AFF3: variants seen among roughly 807,000 people sequenced by gnomAD.
AFF3 encodes the protein AF4/FMR2 family member 3.
In AFF3, 32 loss-of-function variants were observed where a neutral mutation model predicts 129.7. The observed-to-expected ratio is 0.25, with a 90% CI of 0.19 to 0.33. The LOEUF (loss-of-function observed/expected upper bound fraction) is 0.33. Ranked by LOEUF, AFF3 falls within the 10% of genes least tolerant of loss-of-function variation. The probability of loss-of-function intolerance (pLI) is 1.00; values close to 1 mark genes in which losing one functional copy is unlikely to be tolerated. For synonymous variants in AFF3, 644 were observed against 635.4 expected, an observed-to-expected ratio of 1.01 and a Z score of -0.20; for missense variants, 1,373 against 1,592.0, an observed-to-expected ratio of 0.86 and a Z score of 2.34.
rs181181447 is a variant in AFF3, at chr2:99,878,410, A to C, written c.874-40886T>G. 4.6e-3 allele frequency among the ~76,000 whole-genome samples: 697 copies of C among 152,308 alleles called. 18 individuals are homozygous for C. The highest frequency in any genetic ancestry group is 0.041 in the Admixed American group (622 of 15,308). On this transcript the variant is annotated intron_variant, in intron 7 of 24. Transcript: ENST00000672756. The stretch of plus-strand genomic sequence containing the variant: ...ATTTTCAACCTGTAATCATGTACTT[A>C]TTGGGACACACTAAGAGTTCATGAT...
At position 99,953,304 on chromosome 2, in the gene AFF3, G is replaced by C. The variant is rs371970748; in HGVS notation, c.873+53328C>G. Among the ~76,000 whole-genome samples, 6 of 151,796 alleles carry C rather than the reference G, an allele frequency of 4.0e-5. No individual in the cohort carries two copies. In the East Asian group the frequency reaches 1.2e-3, roughly 29 times the overall value. ...AATGTCTTTAGACTTTCCTCCACTG[G>C]AAAAAAAATGGAGACAATACACCTT... On this transcript the variant is annotated intron_variant, in intron 7 of 24. Transcript: ENST00000672756.
At chr2:99,768,990 A>G (rs1051782719) in intron 8 of AFF3, among the ~76,000 whole-genome samples, 1 of 152,038 alleles carries the variant, frequency 6.6e-6, no homozygotes, top group South Asian at 2.1e-4. Flanking sequence ...TTTGGGTTAA[A>G]TCTCCTTGGT....
At chr2:100,001,828 C>T (rs1170775722) in intron 7 of AFF3, among the ~76,000 whole-genome samples, 1 of 152,220 alleles carries the variant, frequency 6.6e-6, no homozygotes, top group African/African-American at 2.4e-5. Flanking sequence ...TTCAGAACGA[C>T]CCATCTAAAC....
chr2:99,637,008 A>G (rs576452605), intron 13 of AFF3, among the ~76,000 whole-genome samples: 48 of 151,540 alleles, frequency 3.2e-4, no homozygotes, highest in Admixed American at 9.9e-4. Flanking sequence ...TGGCTCTGGG[A>G]GTCCCAGGCT....
chr2:99,593,879 G>A lies in AFF3; in HGVS notation c.1782C>T (p.Thr594=), dbSNP rs752581967. 3.6e-6 allele frequency: 5 copies of A among 1,372,898 alleles called. No homozygotes were observed. Among genetic ancestry groups the A allele is most frequent in the Non-Finnish European group, 4.9e-6 (5 of 1,027,072 alleles). The allele number at this position is 1,372,898 out of a possible 1,614,324, so 85.0% of individuals were successfully genotyped here. Residue 594 remains threonine (T), a synonymous_variant, in exon 15 of 25, where the codon ACC becomes ACT. Transcript: ENST00000672756. Reference sequence around the variant, plus strand: ...GGCAGTTGGCGCCGTCCCCGGCTGAGGTCCTCTCGGTGCGCCTGGTGGGCT... The same window carrying A: ...GGCAGTTGGCGCCGTCCCCGGCTGAAGTCCTCTCGGTGCGCCTGGTGGGCT... ...GKKPTRRTER[T]SAGDGANCHR...
chr2:99,868,395 T>C (rs1054647693), intron 7 of AFF3, among the ~76,000 whole-genome samples: 1 of 152,094 alleles, frequency 6.6e-6, no homozygotes, highest in Non-Finnish European at 1.5e-5. Context: ...CCTACTGAAA[T>C]CCAACATCAG....
At position 100,008,820 on chromosome 2, in the gene AFF3, G is replaced by A. The variant is rs1413639542; in HGVS notation, c.166C>T (p.Pro56Ser). The A allele has an allele frequency of 6.2e-7, 1 of 1,613,914 alleles. No homozygotes were observed. Residue 56 changes from proline (P) to serine (S), a missense_variant, in exon 5 of 25, where the codon CCC (proline) becomes TCC (serine). Pro to Ser is a moderately conservative substitution (Grantham distance 74, BLOSUM62 -1). Around this residue, in one of 9 missense-constraint regions of AFF3, gnomAD observed 255 missense variants for 256.0 expected, o/e 1.00. Coordinates refer to ENST00000672756, the MANE Select transcript of AFF3 (RefSeq NM_001386135.1). ...FNSSYSLFSE[P>S]YKTNKGDELS... ...AACTGAAAACCATCTACCTTGTAGG[G>A]CTCACTGAAGAGAGAGTAACTAGAA... is the stretch of plus-strand genomic sequence containing the variant.
intron 4 of AFF3, among the ~76,000 whole-genome samples, chr2:100,052,237 G>A (rs13001130): frequency 0.16 from 23,758 of 152,166 alleles, 2,135 homozygotes; most frequent in East Asian, 0.29. Flanking sequence ...TTTTAAAATT[G>A]CAGCATTAAA....
intron 12 of AFF3, among the ~76,000 whole-genome samples, chr2:99,655,726 T>TGCAAA (rs1685688352): frequency 6.6e-6 from 1 of 152,144 alleles, no homozygotes; most frequent in Non-Finnish European, 1.5e-5. Context: ...GCACTTCCTG[T>TGCAAA]GAATCTATTA....
At chr2:99,744,638 A>C (rs941840275) in intron 9 of AFF3, among the ~76,000 whole-genome samples, 4 of 152,176 alleles carry the variant, frequency 2.6e-5, no homozygotes, top group African/African-American at 9.7e-5. Context: ...GAATCATACA[A>C]TATGTGACCT....
chr2:99,995,613 C>G (rs1264162557), intron 7 of AFF3, among the ~76,000 whole-genome samples: 1 of 152,032 alleles, frequency 6.6e-6, no homozygotes, highest in Non-Finnish European at 1.5e-5. Flanking sequence ...ACCTCATGAC[C>G]CACCCACCTC....
intron 8 of AFF3, among the ~76,000 whole-genome samples, chr2:99,829,504 T>A (rs1181775040): frequency 6.6e-6 from 1 of 152,196 alleles, no homozygotes; most frequent in Admixed American, 6.5e-5. Flanking sequence ...AAAGAAGACA[T>A]TTATGCAGCC....
intron 4 of AFF3, among the ~76,000 whole-genome samples, chr2:100,095,035 T>C (rs1486484885): frequency 2.2e-5 from 3 of 137,760 alleles, no homozygotes; most frequent in African/African-American, 5.5e-5. Flanking sequence ...TCAGTAGCTT[T>C]TTCTATTCTT....
At chr2:99,563,628 T>C (rs1421823737) in intron 20 of AFF3, among the ~76,000 whole-genome samples, 1 of 150,758 alleles carries the variant, frequency 6.6e-6, no homozygotes, top group Admixed American at 6.6e-5. Flanking sequence ...CTGACCAACA[T>C]GGAGAAACCC....
At chr2:99,942,332 C>T (rs1675129422) in intron 7 of AFF3, among the ~76,000 whole-genome samples, 1 of 152,076 alleles carries the variant, frequency 6.6e-6, no homozygotes, top group Non-Finnish European at 1.5e-5. Flanking sequence ...GCTACGTTCA[C>T]AAGTCTATAT....
intron 8 of AFF3, among the ~76,000 whole-genome samples, chr2:99,823,067 C>T (rs1414187209): frequency 6.6e-6 from 1 of 152,146 alleles, no homozygotes; most frequent in African/African-American, 2.4e-5. Flanking sequence ...CTCTGGTTAT[C>T]TGTAACAAAG....
chr2:99,993,477 T>C (rs1381238782), intron 7 of AFF3, among the ~76,000 whole-genome samples: 1 of 151,424 alleles, frequency 6.6e-6, no homozygotes, highest in African/African-American at 2.4e-5. Context: ...AGTTTAAAAA[T>C]AAAATTATAT....
chr2:99,913,457 C>A (rs1695244778), intron 7 of AFF3, among the ~76,000 whole-genome samples: 1 of 152,082 alleles, frequency 6.6e-6, no homozygotes, highest in African/African-American at 2.4e-5. Flanking sequence ...GATTGGTAGA[C>A]AGATAATAGA....
At chr2:99,909,964 A>T (rs1376639139) in intron 7 of AFF3, among the ~76,000 whole-genome samples, 3 of 152,196 alleles carry the variant, frequency 2.0e-5, no homozygotes, top group Non-Finnish European at 4.4e-5. Flanking sequence ...AGTTCCTCAC[A>T]ATGTGACATT....
Sources: allele counts gnomAD v4.1 joint callset (sites outside exome capture counted in the v4.1 genomes callset), GRCh38; gene constraint gnomAD v4.1.1; regional missense constraint gnomAD v4.1.1; transcripts MANE v1.5; gene names NCBI Gene and HGNC (gene_info 2026-07-23, HGNC 2026-07-21).